MDGA2: variants seen among roughly 807,000 people sequenced by gnomAD.
MDGA2 encodes MAM domain-containing glycosylphosphatidylinositol anchor protein 2.
MDGA2 carries 40 observed loss-of-function variants against 117.8 expected under a neutral mutation model. The ratio of observed to expected loss-of-function variants is 0.34; its 90% CI spans 0.26 to 0.44. MDGA2 has a LOEUF of 0.44. MDGA2 is among the 20% of genes least tolerant of loss of function. The pLI is 1.00. For missense variants in MDGA2, 1,123 were observed against 1,250.6 expected, an observed-to-expected ratio of 0.90 and a Z score of 1.54; for synonymous variants, 452 against 439.0, an observed-to-expected ratio of 1.03 and a Z score of -0.37.
intron 15 of MDGA2, among the ~76,000 whole-genome samples, chr14:46,854,631 A>G (rs1881191477): frequency 6.6e-6 from 1 of 151,858 alleles, no homozygotes; most frequent in African/African-American, 2.4e-5. Flanking sequence ...TTTTGTTGTA[A>G]GTATATAAAA....
intron 8 of MDGA2, among the ~76,000 whole-genome samples, chr14:47,033,079 T>C (rs1888719726): frequency 6.6e-6 from 1 of 152,206 alleles, no homozygotes; most frequent in Admixed American, 6.5e-5. Context: ...ATTATGTTCA[T>C]CCCTGTCACA....
chr14:47,299,697 C>T (rs1199458747), intron 2 of MDGA2, among the ~76,000 whole-genome samples: 1 of 152,136 alleles, frequency 6.6e-6, no homozygotes, highest in Admixed American at 6.5e-5. Context: ...AAATGTTTCA[C>T]ATATCCATTT....
chr14:47,532,193 A>G (rs2138734915), intron 1 of MDGA2, among the ~76,000 whole-genome samples: 1 of 152,340 alleles, frequency 6.6e-6, no homozygotes, highest in South Asian at 2.1e-4. Context: ...AAGGCAGAGA[A>G]AAATTTCCAG....
chr14:47,144,552 G>T (rs550444452), intron 3 of MDGA2, among the ~76,000 whole-genome samples: 1 of 151,936 alleles, frequency 6.6e-6, no homozygotes, highest in Non-Finnish European at 1.5e-5. Flanking sequence ...CCATGAGAGA[G>T]ATAAAAATTT....
At chr14:46,893,959 C>T (rs1053709579) in intron 10 of MDGA2, among the ~76,000 whole-genome samples, 8 of 152,058 alleles carry the variant, frequency 5.3e-5, no homozygotes, top group African/African-American at 1.9e-4. Flanking sequence ...ATCAGAAAGG[C>T]TGAGCCTTTA....
chr14:47,638,993 A>C (rs1897372608), intron 1 of MDGA2, among the ~76,000 whole-genome samples: 2 of 152,096 alleles, frequency 1.3e-5, no homozygotes, highest in Admixed American at 1.3e-4. Flanking sequence ...GGCAGTCAGC[A>C]TTTCCTCACC....
chr14:47,205,919 T>C (rs1594721563), intron 3 of MDGA2, among the ~76,000 whole-genome samples: 1 of 151,996 alleles, frequency 6.6e-6, no homozygotes, highest in Non-Finnish European at 1.5e-5. Context: ...CAGAAGTCAT[T>C]TGATAATGGT....
At chr14:47,494,174 G>C (rs905939574) in intron 1 of MDGA2, among the ~76,000 whole-genome samples, 1 of 152,188 alleles carries the variant, frequency 6.6e-6, no homozygotes, top group Non-Finnish European at 1.5e-5. Flanking sequence ...GTACTGAACT[G>C]TGTGAATCAA....
chr14:47,443,314 G>A (rs1025187945), intron 1 of MDGA2, among the ~76,000 whole-genome samples: 1 of 152,038 alleles, frequency 6.6e-6, no homozygotes, highest in Non-Finnish European at 1.5e-5. Context: ...TAGAAGACAC[G>A]AACAGACATG....
intron 1 of MDGA2, among the ~76,000 whole-genome samples, chr14:47,384,080 G>A (rs1891703721): frequency 6.6e-6 from 1 of 151,874 alleles, no homozygotes; most frequent in Admixed American, 6.6e-5. Context: ...AGTAACTAAT[G>A]AATACCATCA....
intron 11 of MDGA2, among the ~76,000 whole-genome samples, chr14:46,878,610 C>T (rs1390795750): frequency 6.6e-6 from 1 of 151,908 alleles, no homozygotes; most frequent in African/African-American, 2.4e-5. Context: ...AGACAATTCC[C>T]ATTACTGTAG....
chr14:47,317,492 C>G (rs1481360139), intron 1 of MDGA2, among the ~76,000 whole-genome samples: 1 of 152,072 alleles, frequency 6.6e-6, no homozygotes, highest in Non-Finnish European at 1.5e-5. Context: ...TGACAATGTG[C>G]TGTGAAGCTA....
rs745662292 is a variant in MDGA2 at position 47,051,275 on chromosome 14, G to A, written c.1525+9974C>T. Among the ~76,000 whole-genome samples, 21 of 151,848 alleles carry A rather than the reference G, an allele frequency of 1.4e-4. 1 individual carries two copies. In the Middle Eastern group the frequency reaches 0.02, roughly 148 times the overall value. ...AATAAGCCCTCAGTATTTTAAATCC[G>A]TGCTAATAATTAAGACATGTAGGTT... On this transcript the variant is annotated intron_variant, in intron 7 of 16. Transcript: ENST00000399232.
Position 47,341,965 on chromosome 14 carries a change from A to G in MDGA2, c.281-40415T>C, listed in dbSNP as rs902387592. 2.0e-5 allele frequency among the ~76,000 whole-genome samples: 3 copies of G among 151,960 alleles called. No homozygotes were observed. The East Asian group carries it at 5.8e-4, about 29-fold the overall frequency. On this transcript the variant is annotated intron_variant, in intron 1 of 16. Transcript: ENST00000399232. ...GGCAATTCTCCTGCCTCAGCCTCCC[A>G]AGTAGCTGGGATTACAGGCCAGCAC...
At chr14:47,560,642 T>G (rs1294356805) in intron 1 of MDGA2, among the ~76,000 whole-genome samples, 1 of 152,186 alleles carries the variant, frequency 6.6e-6, no homozygotes, top group East Asian at 1.9e-4. Context: ...GCAAATATTT[T>G]TCTCTTATTC....
chr14:47,265,983 T>G (rs140202723), intron 2 of MDGA2, among the ~76,000 whole-genome samples: 1 of 152,148 alleles, frequency 6.6e-6, no homozygotes, highest in Non-Finnish European at 1.5e-5. Context: ...TGCTATTGAT[T>G]GCAAACACTA....
chr14:47,380,063 G>A (rs989666174), intron 1 of MDGA2, among the ~76,000 whole-genome samples: 2 of 152,174 alleles, frequency 1.3e-5, no homozygotes, highest in African/African-American at 4.8e-5. Context: ...CCAGGATTGA[G>A]AAACTCACTC....
chr14:47,600,932 T>C (rs1327346891), intron 1 of MDGA2, among the ~76,000 whole-genome samples: 2 of 152,184 alleles, frequency 1.3e-5, no homozygotes, highest in Non-Finnish European at 2.9e-5. Flanking sequence ...TGTATGCTGT[T>C]AATATAGCAC....
chr14:47,303,732 T>G (rs957129990), intron 1 of MDGA2, among the ~76,000 whole-genome samples: 17 of 138,512 alleles, frequency 1.2e-4, no homozygotes, highest in African/African-American at 4.3e-4. Flanking sequence ...CATGCTAACT[T>G]TAGCTTCATA....
Sources: allele counts gnomAD v4.1 joint callset (sites outside exome capture counted in the v4.1 genomes callset), GRCh38; gene constraint gnomAD v4.1.1; transcripts MANE v1.5; gene names NCBI Gene and HGNC (gene_info 2026-07-23, HGNC 2026-07-21).